LIMS1: variants seen among roughly 807,000 people sequenced by gnomAD.
The protein encoded by LIMS1 is LIM and senescent cell antigen-like-containing domain protein 1.
In LIMS1, 18 loss-of-function variants were observed where a neutral mutation model predicts 44.1. The observed-to-expected ratio is 0.41, with a 90% CI of 0.28 to 0.61. LIMS1 has a LOEUF of 0.61. Ranked by LOEUF, LIMS1 falls within the 20% of genes least tolerant of loss-of-function variation. LIMS1 has a pLI of 0.32. For missense variants in LIMS1, 201 were observed against 422.0 expected, an observed-to-expected ratio of 0.48 and a Z score of 4.59; for synonymous variants, 93 against 149.1, an observed-to-expected ratio of 0.62 and a Z score of 2.74.
chr2:108,644,535 G>A (rs936119147), intron 1 of LIMS1, among the ~76,000 whole-genome samples: 2 of 152,258 alleles, frequency 1.3e-5, no homozygotes, highest in South Asian at 2.1e-4. Flanking sequence ...CCACGAAGAT[G>A]GGGAGAAACC....
chr2:108,680,466 G>C (rs1323993369), intron 8 of LIMS1, among the ~76,000 whole-genome samples: 1 of 150,954 alleles, frequency 6.6e-6, no homozygotes, highest in Non-Finnish European at 1.5e-5. Flanking sequence ...GAGCCTGGGA[G>C]GTTGGGGTTA....
At chr2:108,611,860 C>T (rs796551927) in intron 1 of LIMS1, among the ~76,000 whole-genome samples, 93 of 91,500 alleles carry the variant, frequency 1.0e-3, no homozygotes, top group East Asian at 6.6e-3. Context: ...TATATACACA[C>T]ATATATATAC....
exon 6 of LIMS1, chr2:108,675,929 C>G (rs112186831): frequency 3.0e-5 from 48 of 1,613,850 alleles, no homozygotes; most frequent in Non-Finnish European, 2.9e-5. Context: ...TATACTGCCT[C>G]CCATGCCATG....
chr2:108,663,122 T>G (rs1403301122), intron 2 of LIMS1, among the ~76,000 whole-genome samples: 2 of 152,130 alleles, frequency 1.3e-5, no homozygotes, highest in Non-Finnish European at 2.9e-5. Flanking sequence ...TTTTTTTCTT[T>G]CTTTTCTTTT....
In LIMS1 at chr2:108,534,601, G is replaced by A. The variant is rs1029161199; in HGVS notation, c.32+7G>A. On this transcript the variant is annotated splice_region_variant and intron_variant, in intron 1 of 9. Coordinates refer to ENST00000544547, the Ensembl canonical transcript of LIMS1. ...CGGCCGGGATGACCCACAGGTACGG[G>A]CCGCACCGCGCGGCCCCCGCCACGT... is the stretch of plus-strand genomic sequence containing the variant. 265 of 1,137,224 alleles carry A rather than the reference G, an allele frequency of 2.3e-4. 1 individual carries two copies. In the African/African-American group the frequency reaches 4.3e-3, roughly 18 times the overall value. The allele number at this position is 1,137,224 out of a possible 1,614,324, so 70.4% of individuals were successfully genotyped here.
At chr2:108,653,840 T>G (rs1312494537) in intron 1 of LIMS1, among the ~76,000 whole-genome samples, 2 of 118,048 alleles carry the variant, frequency 1.7e-5, no homozygotes, top group African/African-American at 5.9e-5. Context: ...GTGGAACAAT[T>G]CGAAGTAGGG....
At chr2:108,608,752 A>G (rs1687418481) in intron 1 of LIMS1, among the ~76,000 whole-genome samples, 1 of 152,120 alleles carries the variant, frequency 6.6e-6, no homozygotes, top group African/African-American at 2.4e-5. Flanking sequence ...GTGATCATAG[A>G]TGGGGCCCCT....
chr2:108,606,198 T>G (rs1402382678), intron 1 of LIMS1, among the ~76,000 whole-genome samples: 1 of 152,250 alleles, frequency 6.6e-6, no homozygotes, highest in Non-Finnish European at 1.5e-5. Context: ...TTATGAAAGC[T>G]AGATATTTTA....
At chr2:108,623,503 A>T (rs1287984493) in intron 1 of LIMS1, among the ~76,000 whole-genome samples, 1 of 152,176 alleles carries the variant, frequency 6.6e-6, no homozygotes, top group Non-Finnish European at 1.5e-5. Flanking sequence ...GGCAGGTGGC[A>T]TTGTTATCTT....
At chr2:108,584,000 G>T (rs558985394) in intron 1 of LIMS1, among the ~76,000 whole-genome samples, 2 of 152,178 alleles carry the variant, frequency 1.3e-5, no homozygotes, top group Admixed American at 1.3e-4. Context: ...GGCTGTTGTT[G>T]CTGTTTCTAT....
intron 9 of LIMS1, 154 bp downstream of exon 9, chr2:108,680,924 C>G (rs1473310756): frequency 7.8e-7 from 1 of 1,278,308 alleles, no homozygotes. Context: ...CTTCCTTTAA[C>G]TGTTCCCTGT....
At chr2:108,607,289 C>G (rs1156234030) in intron 1 of LIMS1, 2 of 1,545,202 alleles carry the variant, frequency 1.3e-6, no homozygotes. Flanking sequence ...AGCTGTTCCC[C>G]CTCCAAATGA....
intron 1 of LIMS1, among the ~76,000 whole-genome samples, chr2:108,649,685 TGC>T (rs1483733234): frequency 1.3e-5 from 2 of 152,130 alleles, no homozygotes. Flanking sequence ...ACATGGATGA[TGC>T]TGGAAACCAT....
At chr2:108,591,938 G>T (rs1686424139) in intron 1 of LIMS1, among the ~76,000 whole-genome samples, 1 of 151,790 alleles carries the variant, frequency 6.6e-6, no homozygotes, top group African/African-American at 2.4e-5. Flanking sequence ...GGAATTACAG[G>T]CACGCACCAC....
chr2:108,668,310 A>T (rs1573600778), intron 2 of LIMS1, among the ~76,000 whole-genome samples: 1 of 151,808 alleles, frequency 6.6e-6, no homozygotes, highest in East Asian at 1.9e-4. Flanking sequence ...ATAGAACACT[A>T]GAACTTATTC....
At chr2:108,554,833 G>A (rs1457363294) in intron 1 of LIMS1, among the ~76,000 whole-genome samples, 2 of 152,158 alleles carry the variant, frequency 1.3e-5, no homozygotes, top group African/African-American at 4.8e-5. Context: ...TAGCTCCTGT[G>A]TGCAGAGAGG....
chr2:108,566,121 C>T (rs1463951821), intron 1 of LIMS1, among the ~76,000 whole-genome samples: 10 of 152,180 alleles, frequency 6.6e-5, no homozygotes, highest in African/African-American at 1.2e-4. Flanking sequence ...AAGCAGGCTC[C>T]GTCACTTACT....
At chr2:108,683,366 CCTGT>C (rs932697312) in intron 9 of LIMS1, among the ~76,000 whole-genome samples, 17 of 151,512 alleles carry the variant, frequency 1.1e-4, no homozygotes, top group African/African-American at 4.1e-4. Context: ...ACGACAGGAC[CCTGT>C]CTCTACAAAA....
At chr2:108,611,863 A>T in intron 1 of LIMS1, among the ~76,000 whole-genome samples, 1 of 145,234 alleles carries the variant, frequency 6.9e-6, no homozygotes, top group Non-Finnish European at 1.5e-5. Flanking sequence ...ATACACACAT[A>T]TATATACACA....
Sources: allele counts gnomAD v4.1 joint callset (sites outside exome capture counted in the v4.1 genomes callset), GRCh38; gene constraint gnomAD v4.1.1; transcripts MANE v1.5; gene names NCBI Gene and HGNC (gene_info 2026-07-23, HGNC 2026-07-21).